MYO5A: variants seen among roughly 807,000 people sequenced by gnomAD.
MYO5A encodes the protein myosin VA.
MYO5A carries 98 observed loss-of-function variants against 249.7 expected under a neutral mutation model. That is an observed-to-expected ratio of 0.39 (90% confidence interval 0.33 to 0.46). The LOEUF is 0.46. Ranked by LOEUF, MYO5A falls within the 20% of genes least tolerant of loss-of-function variation. MYO5A has a pLI of 0.98. For synonymous variants in MYO5A, 778 were observed against 810.6 expected (o/e 0.96, Z 0.68); for missense variants, 1,696 against 2,308.8 (o/e 0.73, Z 5.44).
intron 25 of MYO5A, among the ~76,000 whole-genome samples, chr15:52,356,378 A>G (rs1204862984): frequency 6.6e-6 from 1 of 152,052 alleles, no homozygotes; most frequent in African/African-American, 2.4e-5. Context: ...AAAAACTACA[A>G]TTTTTTCTTA....
intron 18 of MYO5A, among the ~76,000 whole-genome samples, chr15:52,377,795 G>A (rs2041500813): frequency 2.0e-5 from 3 of 151,938 alleles, no homozygotes; most frequent in East Asian, 1.9e-4. Flanking sequence ...GGCCTCAAAC[G>A]CTGGGCCTCA....
At chr15:52,336,192 T>C (rs947890291) in intron 34 of MYO5A, among the ~76,000 whole-genome samples, 1 of 152,220 alleles carries the variant, frequency 6.6e-6, no homozygotes, top group Non-Finnish European at 1.5e-5. Context: ...TATGCTATAC[T>C]GCCTAGCACA....
In MYO5A at chr15:52,327,810, A is replaced by G. The variant is rs1266561110; in HGVS notation, c.4710+42T>C. On this transcript the variant is annotated intron_variant, in intron 36 of 41. Transcript: ENST00000399233. Reference sequence around the variant, plus strand: ...ATCAATCAGTGCAGATTCTGTCATCATTAACAATTCATGATGAGAATTTTG... The same window carrying G: ...ATCAATCAGTGCAGATTCTGTCATCGTTAACAATTCATGATGAGAATTTTG... 4 of 1,569,166 alleles carry G rather than the reference A, an allele frequency of 2.5e-6. No homozygotes were observed. The African/African-American group carries it at 5.4e-5, about 21-fold the overall frequency.
chr15:52,409,248 C>T (rs926127463), intron 6 of MYO5A, among the ~76,000 whole-genome samples: 2 of 152,052 alleles, frequency 1.3e-5, no homozygotes, highest in African/African-American at 4.8e-5. Context: ...TACTCACTTA[C>T]CTATCAATCA....
chr15:52,317,144 A>G lies in MYO5A; in HGVS notation c.5313T>C (p.Pro1771=), dbSNP rs761674346. The G allele has an allele frequency of 3.7e-6, 6 of 1,614,090 alleles. No homozygotes were observed. The highest frequency in any genetic ancestry group is 5.1e-6 in the Non-Finnish European group (6 of 1,179,972). ...GCAAAAGTTGAGCAGCCTGAATGAGAGGTTCCAGGGTTTCTTTAGCCCCAC... is the reference window on the plus strand; with the variant it reads ...GCAAAAGTTGAGCAGCCTGAATGAGGGGTTCCAGGGTTTCTTTAGCCCCAC... The part of the protein sequence containing the change: ...MNSGAKETLE[P]LIQAAQLLQV... The change falls in exon 40 of 42, where the codon CCT becomes CCC. Residue 1771 remains proline (P), a synonymous_variant. Coordinates refer to ENST00000399233, the MANE Select transcript of MYO5A (RefSeq NM_001382347.1).
Position 52,313,438 on chromosome 15 carries a change from T to C in MYO5A, c.*258A>G. The C allele has an allele frequency of 2.1e-6, 1 of 465,668 alleles. No individual in the cohort carries two copies. Among genetic ancestry groups the C allele is most frequent in the Non-Finnish European group, 3.9e-6 (1 of 255,838 alleles). The allele number at this position is 465,668 out of a possible 1,614,324, so 28.8% of individuals were successfully genotyped here. On this transcript the variant is annotated 3_prime_UTR_variant, in exon 42 of 42. Coordinates refer to ENST00000399233, the MANE Select transcript of MYO5A (RefSeq NM_001382347.1). ...TCCTTTCCTTCCTCCCTTCCTTCCA[T>C]CATTCTCCTGTATGTAAACTCACGG...
intron 37 of MYO5A, among the ~76,000 whole-genome samples, chr15:52,322,838 T>C (rs1013177204): frequency 3.3e-5 from 5 of 152,064 alleles, no homozygotes; most frequent in African/African-American, 1.2e-4. Context: ...AATTTTCTTT[T>C]TTTTTTTTAA....
intron 23 of MYO5A, 68 bp from the exon 24 acceptor site, chr15:52,364,770 T>A: frequency 1.3e-6 from 2 of 1,564,248 alleles, no homozygotes; most frequent in Non-Finnish European, 8.8e-7. Flanking sequence ...TAAACATGTA[T>A]ACTGATTTCC....
intron 22 of MYO5A, 50 bp downstream of exon 22, chr15:52,370,119 C>A (rs1425270705): frequency 6.2e-7 from 1 of 1,610,552 alleles, no homozygotes; most frequent in African/African-American, 1.3e-5. Context: ...ATGATGACAG[C>A]ACCTCTCTTT....
chr15:52,389,033 G>C (rs1387523486), intron 13 of MYO5A, among the ~76,000 whole-genome samples: 1 of 151,784 alleles, frequency 6.6e-6, no homozygotes, highest in Non-Finnish European at 1.5e-5. Context: ...CTGGATTTCA[G>C]AATTATAGAA....
In MYO5A at chr15:52,340,399, G is replaced by A. The variant is rs779383796; in HGVS notation, c.4041-5C>T. ...TGCAGCTGGGATTCCAGGAGCCTGCGGAGAGGACACATGGGTCGGAAGGGG... is the reference window on the plus strand; with the variant it reads ...TGCAGCTGGGATTCCAGGAGCCTGCAGAGAGGACACATGGGTCGGAAGGGG... On this transcript the variant is annotated splice_polypyrimidine_tract_variant and splice_region_variant and intron_variant, in intron 31 of 41. Coordinates refer to ENST00000399233, the MANE Select transcript of MYO5A (RefSeq NM_001382347.1). 31 of 1,611,182 alleles carry A rather than the reference G, an allele frequency of 1.9e-5. No homozygotes were observed. Among genetic ancestry groups the A allele is most frequent in the East Asian group, 4.5e-5 (2 of 44,886 alleles).
intron 20 of MYO5A, among the ~76,000 whole-genome samples, chr15:52,374,190 T>A (rs899068944): frequency 2.6e-5 from 4 of 152,164 alleles, no homozygotes; most frequent in Non-Finnish European, 4.4e-5. Context: ...CAGGTGATAA[T>A]TAAGACTACT....
intron 29 of MYO5A, among the ~76,000 whole-genome samples, chr15:52,347,283 A>G (rs973967577): frequency 6.6e-6 from 1 of 152,202 alleles, no homozygotes; most frequent in African/African-American, 2.4e-5. Context: ...ATAGTTCCAC[A>G]CATGGAACTA....
At chr15:52,451,790 G>A (rs539810588) in intron 1 of MYO5A, among the ~76,000 whole-genome samples, 13 of 152,014 alleles carry the variant, frequency 8.6e-5, no homozygotes, top group East Asian at 1.9e-4. Context: ...TTTAATATCC[G>A]TTACTTGGAA....
intron 1 of MYO5A, among the ~76,000 whole-genome samples, chr15:52,456,770 CAGA>C (rs900457182): frequency 6.6e-6 from 1 of 152,116 alleles, no homozygotes; most frequent in Non-Finnish European, 1.5e-5. Flanking sequence ...TAACCATATG[CAGA>C]AGAATGAAAC....
At chr15:52,419,526 A>C (rs1017932950) in intron 4 of MYO5A, among the ~76,000 whole-genome samples, 1 of 152,206 alleles carries the variant, frequency 6.6e-6, no homozygotes, top group African/African-American at 2.4e-5. Flanking sequence ...CTTAAACCCT[A>C]AAGTTAATAC....
intron 1 of MYO5A, among the ~76,000 whole-genome samples, chr15:52,485,273 A>C (rs185671965): frequency 0.012 from 1,835 of 151,506 alleles, 22 homozygotes; most frequent in Admixed American, 0.022. Flanking sequence ...AAAAAAAAAA[A>C]AAAAAACAAG....
At position 52,409,133 on chromosome 15, in the gene MYO5A, T is replaced by C. The variant is rs1288736304; in HGVS notation, c.757-993A>G. On this transcript the variant is annotated intron_variant, in intron 6 of 41. Coordinates refer to ENST00000399233, the MANE Select transcript of MYO5A (RefSeq NM_001382347.1). ...AGACTGGGAAACTGCTAGAAATGGT[T>C]CAGTGTCTCTAAACAAGACAATAAG... is the stretch of plus-strand genomic sequence containing the variant. 2.0e-5 allele frequency among the ~76,000 whole-genome samples: 3 copies of C among 152,138 alleles called. No homozygotes were observed. The East Asian group carries it at 5.8e-4, about 29-fold the overall frequency.
At chr15:52,452,803 G>T (rs2076046247) in intron 1 of MYO5A, among the ~76,000 whole-genome samples, 1 of 150,448 alleles carries the variant, frequency 6.6e-6, no homozygotes, top group Non-Finnish European at 1.5e-5. Context: ...AGCCAAGATT[G>T]CGCCACTGTA....
Sources: allele counts gnomAD v4.1 joint callset (sites outside exome capture counted in the v4.1 genomes callset), GRCh38; gene constraint gnomAD v4.1.1; transcripts MANE v1.5; gene names NCBI Gene and HGNC (gene_info 2026-07-23, HGNC 2026-07-21).